The following SLC66A3 variants were observed in gnomAD, a reference collection of about 807,000 sequenced individuals.
The protein encoded by SLC66A3 is solute carrier family 66 member 3.
SLC66A3 carries 23 observed loss-of-function variants against 25.5 expected under a neutral mutation model. The ratio of observed to expected loss-of-function variants is 0.90; its 90% CI spans 0.65 to 1.28. The LOEUF (loss-of-function observed/expected upper bound fraction) is 1.28. SLC66A3 is among the 50% of genes most tolerant of loss of function. The pLI is 0.00. For missense variants in SLC66A3, 246 were observed against 262.1 expected (o/e 0.94, Z 0.42); for synonymous variants, 108 against 112.6 (o/e 0.96, Z 0.26).
At chr2:11,169,837 C>CTTTTTTTTTTTTTT (rs1186098636) in intron 4 of SLC66A3, among the ~76,000 whole-genome samples, 8 of 89,042 alleles carry the variant, frequency 9.0e-5, no homozygotes, top group East Asian at 3.1e-4. Flanking sequence ...GGATTTCTCT[C>CTTTTTTTTTTTTTT]TTTTTTTTTT....
At chr2:11,160,580 C>T in intron 2 of SLC66A3, 32 bp downstream of exon 2, 1 of 1,614,154 alleles carries the variant, frequency 6.2e-7, no homozygotes, top group South Asian at 1.1e-5. Context: ...AGCGGACTGC[C>T]ACGGGTCTCC....
At position 11,177,777 on chromosome 2, in the gene SLC66A3, G is replaced by A. The variant is rs1662814990; in HGVS notation, c.558G>A (p.Trp186Ter). 6.2e-7 allele frequency: 1 copy of A among 1,611,710 alleles called. No individual in the cohort carries two copies. The highest frequency in any genetic ancestry group is 8.5e-7 in the Non-Finnish European group (1 of 1,178,746). ...TGATCATGCTGGCTTTAAATATATG[G>A]GTAACAGTGACAGTACTTCGCTACC... Reference protein sequence around the residue: ...RFVIMLALNIWVTVTVLRYRK... With the variant: ...RFVIMLALNI Residue 186 changes from tryptophan to a stop codon, truncating the protein, a stop_gained, in exon 7 of 7, where the codon TGG becomes TGA. Transcript: ENST00000295083. LOFTEE classifies it high-confidence loss of function.
chr2:11,172,307 A>G (rs1016845419), intron 5 of SLC66A3, among the ~76,000 whole-genome samples: 5 of 152,236 alleles, frequency 3.3e-5, no homozygotes, highest in Admixed American at 3.3e-4. Flanking sequence ...CCTGATATTA[A>G]TTAGCTCTGT....
Position 11,160,583 on chromosome 2 carries a change from G to A in SLC66A3, c.226+35G>A, listed in dbSNP as rs12472296. The A allele has an allele frequency of 2.3e-5, 37 of 1,614,070 alleles. 1 individual carries two copies. The East Asian group carries it at 6.0e-4, about 26-fold the overall frequency. ...CCTTCCCTGTCCAGCGGACTGCCAC[G>A]GGTCTCCCCTTCCCCCCTCACTCGG... On this transcript the variant is annotated intron_variant, in intron 2 of 6. Transcript: ENST00000295083.
chr2:11,173,094 C>T (rs891611929), intron 5 of SLC66A3, among the ~76,000 whole-genome samples: 5 of 152,092 alleles, frequency 3.3e-5, no homozygotes, highest in African/African-American at 1.2e-4. Flanking sequence ...AACTCCTGAC[C>T]TCAAGTGATC....
intron 4 of SLC66A3, 105 bp downstream of exon 4, chr2:11,164,366 A>G (rs192723690): frequency 0.02 from 2,147 of 106,848 alleles, 83 homozygotes; most frequent in African/African-American, 0.096. Flanking sequence ...TTTGAAATGG[A>G]GTTTCACTCT....
rs1553289115 is a variant in SLC66A3, at chr2:11,164,346, T to TA, written c.354+85_354+86insA. 392 of 76,422 alleles carry TA rather than the reference T, an allele frequency of 5.1e-3. 9 individuals are homozygous for TA. The highest frequency in any genetic ancestry group is 0.018 in the South Asian group (30 of 1,628). 4.7% of individuals were successfully genotyped at this position (76,422 alleles called of 1,614,324 possible). A position where few individuals can be genotyped will look rare whatever the true frequency, so the allele number is the denominator to read the frequency against. ...AGATATTTATATATATATATATATATTTTTTTTTTTTTGAAATGGAGTTTC... is the reference window on the plus strand; with the variant it reads ...AGATATTTATATATATATATATATATATTTTTTTTTTTTGAAATGGAGTTTC... On this transcript the variant is annotated intron_variant, in intron 4 of 6. Coordinates refer to ENST00000295083, the MANE Select transcript of SLC66A3 (RefSeq NM_152391.5).
rs1662845554 is a variant in SLC66A3 at position 11,178,413 on chromosome 2, A to G, written c.*585A>G. The G allele has an allele frequency of 6.6e-6, 1 of 152,668 alleles. No homozygotes were observed. Among genetic ancestry groups the G allele is most frequent in the Admixed American group, 6.5e-5 (1 of 15,276 alleles). The allele number at this position is 152,668 out of a possible 1,614,324, so 9.5% of individuals were successfully genotyped here. A position where few individuals can be genotyped will look rare whatever the true frequency, so the allele number is the denominator to read the frequency against. ...ATGTAGCTGGCTTGAGTTTGTACCA[A>G]AACAGTCCTTCAACTTTGCACTGTG... On this transcript the variant is annotated 3_prime_UTR_variant, in exon 7 of 7. Coordinates refer to ENST00000295083, the MANE Select transcript of SLC66A3 (RefSeq NM_152391.5).
chr2:11,155,761 C>T, intron 1 of SLC66A3, 72 bp downstream of exon 1: 1 of 1,285,402 alleles, frequency 7.8e-7, no homozygotes, highest in Admixed American at 4.2e-5. Context: ...CCAGGAGAGC[C>T]TCGGCTCGAA....
At chr2:11,160,592 C>G in intron 2 of SLC66A3, 33 bp from the exon 3 acceptor site, 1 of 1,614,188 alleles carries the variant, frequency 6.2e-7, no homozygotes, top group Non-Finnish European at 8.5e-7. Context: ...CGGGTCTCCC[C>G]TTCCCCCCTC....
At chr2:11,163,051 C>T (rs545596289) in intron 3 of SLC66A3, among the ~76,000 whole-genome samples, 34 of 152,214 alleles carry the variant, frequency 2.2e-4, no homozygotes, top group East Asian at 1.4e-3. Context: ...CTAGCCTGGG[C>T]AACATAGTGG....
intron 1 of SLC66A3, among the ~76,000 whole-genome samples, chr2:11,156,640 C>T (rs1661913296): frequency 6.6e-6 from 1 of 152,048 alleles, no homozygotes; most frequent in Admixed American, 6.6e-5. Flanking sequence ...GGCTTTGGAC[C>T]CCGCGCCGGC....
intron 3 of SLC66A3, among the ~76,000 whole-genome samples, chr2:11,163,530 G>A (rs73915347): frequency 0.011 from 1,730 of 152,262 alleles, 23 homozygotes; most frequent in African/African-American, 0.038. Context: ...CTCTTGAGTC[G>A]GTGCTACGTG....
rs75763826 is a variant in SLC66A3 at position 11,161,146 on chromosome 2, C to T, written c.296+452C>T. Among the ~76,000 whole-genome samples, 542 of 152,270 alleles carry T rather than the reference C, an allele frequency of 3.6e-3. 1 individual carries two copies. Among genetic ancestry groups the T allele is most frequent in the East Asian group, 0.022 (112 of 5,180 alleles). Reference sequence around the variant, plus strand: ...GCTTGCAGTGGGAGCCTGGTCAGCTCAGAGACCTGTTCCTGCTCAGTGGCA... The same window carrying T: ...GCTTGCAGTGGGAGCCTGGTCAGCTTAGAGACCTGTTCCTGCTCAGTGGCA... On this transcript the variant is annotated intron_variant, in intron 3 of 6. Transcript: ENST00000295083.
intron 4 of SLC66A3, among the ~76,000 whole-genome samples, chr2:11,170,899 T>TA (rs1158905185): frequency 6.6e-6 from 1 of 152,036 alleles, no homozygotes. Flanking sequence ...CCTCAGTACT[T>TA]ACTTCTCATT....
chr2:11,165,685 A>G (rs529969072), intron 4 of SLC66A3, among the ~76,000 whole-genome samples: 181 of 152,318 alleles, frequency 1.2e-3, no homozygotes, highest in African/African-American at 3.8e-3. Flanking sequence ...TGCAGGTTGT[A>G]GCGAGCCGAG....
chr2:11,171,595 GTC>G (rs1662554335), intron 4 of SLC66A3, among the ~76,000 whole-genome samples: 1 of 151,210 alleles, frequency 6.6e-6, no homozygotes, highest in Non-Finnish European at 1.5e-5. Flanking sequence ...TGAGATGGGA[GTC>G]TCACTCTGTC....
intron 1 of SLC66A3, among the ~76,000 whole-genome samples, chr2:11,157,337 C>G (rs1199023829): frequency 6.6e-6 from 1 of 152,226 alleles, no homozygotes; most frequent in East Asian, 1.9e-4. Flanking sequence ...TGATCACGTG[C>G]AGGTAAAGGG....
chr2:11,159,151 CACTT>C (rs1451194597), intron 1 of SLC66A3, among the ~76,000 whole-genome samples: 1 of 152,242 alleles, frequency 6.6e-6, no homozygotes, highest in African/African-American at 2.4e-5. Context: ...GGTCAGCACA[CACTT>C]ACTTCGATGG....
Sources: allele counts gnomAD v4.1 joint callset (sites outside exome capture counted in the v4.1 genomes callset), GRCh38; gene constraint gnomAD v4.1.1; transcripts MANE v1.5; gene names NCBI Gene and HGNC (gene_info 2026-07-23, HGNC 2026-07-21).